The following SOX13 variants were observed in gnomAD, a reference collection of about 807,000 sequenced individuals.
The protein encoded by SOX13 is transcription factor SOX-13.
Under a neutral mutation model 71.8 loss-of-function variants are expected in SOX13, and 28 were observed. That is an observed-to-expected ratio of 0.39 (90% CI 0.29 to 0.53). The LOEUF is 0.53. SOX13 is among the 20% of genes least tolerant of loss of function. SOX13 has a pLI of 0.70. For synonymous variants in SOX13, 309 were observed against 317.8 expected (o/e 0.97, Z 0.29); for missense variants, 627 against 810.3 (o/e 0.77, Z 2.75).
At position 204,117,710 on chromosome 1, in the gene SOX13, G is replaced by A. The variant is rs1235769550; in HGVS notation, c.775+3G>A. ...TCAGCCCATTCCCTGCAAACCAGGT[G>A]AGTGTGAGAAGGGAGGTTCCACCAC... On this transcript the variant is annotated splice_donor_region_variant and intron_variant, in intron 7 of 13. Transcript: ENST00000367204. The A allele has an allele frequency of 1.5e-5, 24 of 1,603,186 alleles. No homozygotes were observed. The highest frequency in any genetic ancestry group is 3.3e-4 in the Middle Eastern group (2 of 6,050).
At chr1:204,079,159 G>A (rs1454641969) in intron 1 of SOX13, among the ~76,000 whole-genome samples, 1 of 152,080 alleles carries the variant, frequency 6.6e-6, no homozygotes. Flanking sequence ...TTAGCCGGGC[G>A]TGGAGGCGTG....
chr1:204,088,952 G>A (rs913889262), intron 1 of SOX13, among the ~76,000 whole-genome samples: 1 of 152,150 alleles, frequency 6.6e-6, no homozygotes, highest in African/African-American at 2.4e-5. Flanking sequence ...AGCCTCCAGT[G>A]GTCCAGAGGG....
At chr1:204,110,939 T>G (rs1656569605) in intron 1 of SOX13, among the ~76,000 whole-genome samples, 1 of 152,050 alleles carries the variant, frequency 6.6e-6, no homozygotes, top group Non-Finnish European at 1.5e-5. Context: ...TTAACAGTGC[T>G]TTTCTAACTA....
chr1:204,102,490 G>C (rs1656379816), intron 1 of SOX13, among the ~76,000 whole-genome samples: 1 of 152,088 alleles, frequency 6.6e-6, no homozygotes, highest in Non-Finnish European at 1.5e-5. Context: ...GGGCTTCCTT[G>C]GCAGATTTGT....
chr1:204,096,381 A>AT (rs1656253102), intron 1 of SOX13, among the ~76,000 whole-genome samples: 2 of 150,542 alleles, frequency 1.3e-5, no homozygotes, highest in African/African-American at 4.9e-5. Flanking sequence ...CTGAGACCAC[A>AT]GTGTATGCCA....
chr1:204,106,517 ATT>A (rs34769472), intron 1 of SOX13, among the ~76,000 whole-genome samples: 144 of 140,006 alleles, frequency 1.0e-3, no homozygotes, highest in South Asian at 4.0e-3. Context: ...TCCAAAATAA[ATT>A]TTTTTTTTTT....
intron 12 of SOX13, among the ~76,000 whole-genome samples, 192 bp from the exon 13 acceptor site, chr1:204,124,449 A>G (rs1390138512): frequency 6.6e-6 from 1 of 152,248 alleles, no homozygotes; most frequent in Non-Finnish European, 1.5e-5. Flanking sequence ...GGATATCCCT[A>G]TACAGGCCAA....
At chr1:204,113,249 T>C in intron 2 of SOX13, 115 bp downstream of exon 2, 1 of 892,766 alleles carries the variant, frequency 1.1e-6, no homozygotes, top group Non-Finnish European at 1.7e-6. Context: ...GAAGTGGTGA[T>C]CCTAGGGGTA....
At chr1:204,094,379 C>T (rs912490665) in intron 1 of SOX13, among the ~76,000 whole-genome samples, 28 of 152,184 alleles carry the variant, frequency 1.8e-4, no homozygotes, top group Non-Finnish European at 3.8e-4. Flanking sequence ...ACAGGTAGAT[C>T]TGTGAAGGTG....
At chr1:204,096,238 C>CT (rs1491344524) in intron 1 of SOX13, among the ~76,000 whole-genome samples, 68 of 61,176 alleles carry the variant, frequency 1.1e-3, no homozygotes, top group Middle Eastern at 0.012. Flanking sequence ...TTCTTTCTTT[C>CT]GTTTTTTTTT....
At chr1:204,093,202 C>T (rs771433029) in intron 1 of SOX13, among the ~76,000 whole-genome samples, 2 of 152,100 alleles carry the variant, frequency 1.3e-5, no homozygotes, top group African/African-American at 4.8e-5. Context: ...AACTGTTTCT[C>T]GAATGCTAGC....
chr1:204,099,713 G>A (rs80006401), intron 1 of SOX13, among the ~76,000 whole-genome samples: 9,005 of 152,034 alleles, frequency 0.059, 349 homozygotes, highest in Non-Finnish European at 0.091. Context: ...GCGCCCAGTC[G>A]GCATCTCAGG....
At chr1:204,117,250 T>G (rs1158626138) in intron 6 of SOX13, 60 bp downstream of exon 6, 1 of 1,445,766 alleles carries the variant, frequency 6.9e-7, no homozygotes, top group Admixed American at 1.7e-5. Context: ...GACACCGGCC[T>G]GGAGGGTGCT....
chr1:204,073,600 CG>C lies in SOX13; in HGVS notation c.-108del, dbSNP rs1277001464. 1.3e-5 allele frequency: 2 copies of C among 151,670 alleles called. No homozygotes were observed. Among genetic ancestry groups the C allele is most frequent in the Non-Finnish European group, 2.9e-5 (2 of 67,854 alleles). 9.4% of individuals were successfully genotyped at this position (151,670 alleles called of 1,614,324 possible). A position where few individuals can be genotyped will look rare whatever the true frequency, so the allele number is the denominator to read the frequency against. ...CCAACCCGGCCCGCCCGCCGCGTCG[CG>C]GGGGCATGTGAGCGGGAAGCCTAGG... is the stretch of plus-strand genomic sequence containing the variant. On this transcript the variant is annotated 5_prime_UTR_variant, in exon 1 of 14. Transcript: ENST00000367204. This position sits in a 1 kb window ranked among gnomAD's most constrained non-coding sequence, Gnocchi z 6.8.
At chr1:204,091,726 GCGT>G (rs1372035117) in intron 1 of SOX13, among the ~76,000 whole-genome samples, 1 of 101,246 alleles carries the variant, frequency 9.9e-6, no homozygotes, top group Non-Finnish European at 2.2e-5. Context: ...TTCTTTGTGT[GCGT>G]GTGCGTGTGT....
chr1:204,116,797 G>A (rs1233128057), intron 5 of SOX13, 118 bp downstream of exon 5: 7 of 1,514,946 alleles, frequency 4.6e-6, no homozygotes, highest in Non-Finnish European at 8.8e-7. Context: ...GGGGCAGGCT[G>A]GGCAGGGTCT....
At chr1:204,086,843 C>T (rs1396815423) in intron 1 of SOX13, among the ~76,000 whole-genome samples, 2 of 152,086 alleles carry the variant, frequency 1.3e-5, no homozygotes, top group Admixed American at 6.5e-5. Context: ...TATTAGGGTC[C>T]CTCTGTGATC....
At chr1:204,091,660 C>T (rs1571571449) in intron 1 of SOX13, among the ~76,000 whole-genome samples, 3 of 152,266 alleles carry the variant, frequency 2.0e-5, no homozygotes, top group African/African-American at 7.2e-5. Context: ...GGGTTTGAGT[C>T]CTGGCTCTGC....
At chr1:204,115,392 C>T (rs1288887822) in intron 4 of SOX13, among the ~76,000 whole-genome samples, 1 of 150,972 alleles carries the variant, frequency 6.6e-6, no homozygotes, top group Non-Finnish European at 1.5e-5. Flanking sequence ...GCTCCACCCC[C>T]ACCTATTGAA....
Sources: gnomAD v4.1 joint callset for allele counts (sites outside exome capture counted in the v4.1 genomes callset) on GRCh38, gnomAD v4.1.1 for gene constraint, Gnocchi (gnomAD v3.1) non-coding constraint, MANE v1.5 for transcripts, NCBI Gene and HGNC (gene_info 2026-07-23, HGNC 2026-07-21) for gene names.